FSTL5: variants seen among roughly 807,000 people sequenced by gnomAD.
FSTL5 encodes follistatin-related protein 5.
Under a neutral mutation model 89.1 loss-of-function variants are expected in FSTL5, and 62 were observed. That is an observed-to-expected ratio of 0.70 (90% confidence interval 0.57 to 0.86). The LOEUF is 0.86. Ranked by LOEUF, FSTL5 falls within the 40% of genes least tolerant of loss-of-function variation. FSTL5 has a pLI of 0.00. For synonymous variants in FSTL5, 383 were observed against 346.2 expected (o/e 1.11, Z -1.18); for missense variants, 1,057 against 1,001.6 (o/e 1.06, Z -0.75).
chr4:162,014,602 C>T (rs1736863218), intron 3 of FSTL5, among the ~76,000 whole-genome samples: 2 of 152,150 alleles, frequency 1.3e-5, no homozygotes, highest in African/African-American at 4.8e-5. Context: ...GATAGAAAGG[C>T]AGATGGGCTG....
At chr4:161,804,475 A>C (rs1340042563) in intron 4 of FSTL5, among the ~76,000 whole-genome samples, 5 of 151,924 alleles carry the variant, frequency 3.3e-5, no homozygotes, top group Admixed American at 6.6e-5. Context: ...CCTTGAAAAA[A>C]TTGTGGGCAA....
At chr4:161,699,014 C>A (rs1036691344) in intron 6 of FSTL5, among the ~76,000 whole-genome samples, 1 of 151,824 alleles carries the variant, frequency 6.6e-6, no homozygotes, top group Non-Finnish European at 1.5e-5. Context: ...TAATTAATTA[C>A]CAGCAATAAA....
chr4:161,778,092 TCACACA>T (rs71598736), intron 4 of FSTL5, among the ~76,000 whole-genome samples: 106,688 of 148,230 alleles, frequency 0.72, 38,262 homozygotes, highest in Non-Finnish European at 0.75. Flanking sequence ...AGACTCCGTA[TCACACA>T]CACACACACA....
chr4:162,013,443 G>A (rs6838254), intron 3 of FSTL5, among the ~76,000 whole-genome samples: 2,257 of 152,148 alleles, frequency 0.015, 20 homozygotes, highest in Non-Finnish European at 0.023. Context: ...GGAATGTTAC[G>A]TAGCAAAATA....
chr4:162,138,735 A>G (rs72986955), intron 1 of FSTL5, among the ~76,000 whole-genome samples: 14,407 of 152,126 alleles, frequency 0.095, 864 homozygotes, highest in African/African-American at 0.16. Flanking sequence ...AAAATCCTAA[A>G]TGTATTTTTG....
intron 1 of FSTL5, among the ~76,000 whole-genome samples, chr4:162,119,387 C>T (rs1304512966): frequency 6.6e-6 from 1 of 152,158 alleles, no homozygotes; most frequent in Non-Finnish European, 1.5e-5. Flanking sequence ...AGTGAAGATA[C>T]AAGTTAAACA....
intron 6 of FSTL5, among the ~76,000 whole-genome samples, chr4:161,671,593 C>G (rs1737117093): frequency 6.6e-6 from 1 of 152,070 alleles, no homozygotes; most frequent in African/African-American, 2.4e-5. Context: ...TGCTCATTCT[C>G]TTGGTTCAGA....
chr4:161,591,272 A>G (rs1242798493), intron 7 of FSTL5, among the ~76,000 whole-genome samples: 2 of 152,188 alleles, frequency 1.3e-5, no homozygotes, highest in African/African-American at 4.8e-5. Context: ...ATCCATAGAC[A>G]TAGAAGACGG....
chr4:162,015,885 C>G (rs1321974996), intron 3 of FSTL5, among the ~76,000 whole-genome samples: 1 of 152,122 alleles, frequency 6.6e-6, no homozygotes, highest in Non-Finnish European at 1.5e-5. Flanking sequence ...GTTTCATATG[C>G]TGGATGAGAA....
intron 1 of FSTL5, among the ~76,000 whole-genome samples, chr4:162,140,229 A>G (rs1654983045): frequency 6.6e-6 from 1 of 152,166 alleles, no homozygotes; most frequent in Admixed American, 6.5e-5. Flanking sequence ...CATGTCTAGT[A>G]AGGTTGAACA....
At chr4:161,484,696 T>C (rs1328536497) in intron 12 of FSTL5, among the ~76,000 whole-genome samples, 3 of 152,206 alleles carry the variant, frequency 2.0e-5, no homozygotes, top group African/African-American at 7.2e-5. Flanking sequence ...TTCTAATTAT[T>C]ATCCTTTATT....
At chr4:161,570,599 T>C (rs78553059) in intron 8 of FSTL5, among the ~76,000 whole-genome samples, 2,820 of 152,188 alleles carry the variant, frequency 0.019, 56 homozygotes, top group East Asian at 0.063. Context: ...AAGCATGAAG[T>C]TGGGGACACA....
intron 4 of FSTL5, among the ~76,000 whole-genome samples, chr4:161,808,090 T>C (rs1027780541): frequency 6.6e-6 from 1 of 152,062 alleles, no homozygotes; most frequent in African/African-American, 2.4e-5. Context: ...ATGTAAAGGA[T>C]AAAATATTTT....
chr4:161,782,743 C>T (rs1439525733), intron 4 of FSTL5, among the ~76,000 whole-genome samples: 1 of 152,154 alleles, frequency 6.6e-6, no homozygotes, highest in Admixed American at 6.5e-5. Flanking sequence ...TAAGATATAA[C>T]TTGTCAATTA....
At chr4:161,678,366 C>A (rs895283302) in intron 6 of FSTL5, among the ~76,000 whole-genome samples, 6 of 151,680 alleles carry the variant, frequency 4.0e-5, no homozygotes, top group Non-Finnish European at 7.4e-5. Context: ...GACATTTTTG[C>A]TTAGAGAAAT....
chr4:161,636,612 A>T (rs1175748083), intron 7 of FSTL5, among the ~76,000 whole-genome samples: 3 of 70,418 alleles, frequency 4.3e-5, no homozygotes, highest in Non-Finnish European at 8.8e-5. Flanking sequence ...TCCCTCCCCC[A>T]TCCCCCCACC....
Position 161,646,652 on chromosome 4 carries a change from C to A in FSTL5, c.894+9676G>T, listed in dbSNP as rs966155825. Among the ~76,000 whole-genome samples the A allele has an allele frequency of 3.3e-5, 5 of 152,080 alleles. No homozygotes were observed. In the South Asian group the frequency reaches 8.3e-4, roughly 25 times the overall value. On this transcript the variant is annotated intron_variant, in intron 7 of 15. Transcript: ENST00000306100. Reference sequence around the variant, plus strand: ...TTATTATGGCAAGCTGCCACACCTGCAATTGAATTCTGGTTGAATTAAAAT... The same window carrying A: ...TTATTATGGCAAGCTGCCACACCTGAAATTGAATTCTGGTTGAATTAAAAT...
intron 12 of FSTL5, among the ~76,000 whole-genome samples, chr4:161,482,427 A>G (rs1729544813): frequency 6.6e-6 from 1 of 152,210 alleles, no homozygotes; most frequent in Non-Finnish European, 1.5e-5. Context: ...ACAACGTCTA[A>G]TTTCATTTAT....
intron 2 of FSTL5, among the ~76,000 whole-genome samples, chr4:162,068,834 T>C (rs1388252596): frequency 6.6e-6 from 1 of 151,872 alleles, no homozygotes; most frequent in East Asian, 1.9e-4. Context: ...AGGAACTTAA[T>C]TAAATTTACA....
Sources: gnomAD v4.1 joint callset for allele counts (sites outside exome capture counted in the v4.1 genomes callset) on GRCh38, gnomAD v4.1.1 for gene constraint, MANE v1.5 for transcripts, NCBI Gene and HGNC (gene_info 2026-07-23, HGNC 2026-07-21) for gene names.